Variants in TFEB observed in about 807,000 individuals in gnomAD.
TFEB encodes transcription factor EB, also known as T-cell transcription factor EB.
In TFEB, 12 loss-of-function variants were observed where a neutral mutation model predicts 48.0. That is an observed-to-expected ratio of 0.25 (90% CI 0.16 to 0.40). The LOEUF is 0.40. TFEB is among the 10% of genes least tolerant of loss of function. The probability of loss-of-function intolerance (pLI) is 1.00; values close to 1 mark genes in which losing one functional copy is unlikely to be tolerated. For missense variants in TFEB, 509 were observed against 640.3 expected, an observed-to-expected ratio of 0.79 and a Z score of 2.21; for synonymous variants, 244 against 261.4, an observed-to-expected ratio of 0.93 and a Z score of 0.64.
At chr6:41,689,635 G>A in intron 4 of TFEB, 96 bp downstream of exon 4, 1 of 934,010 alleles carries the variant, frequency 1.1e-6, no homozygotes, top group Non-Finnish European at 1.7e-6. Flanking sequence ...TCTGCCCAGT[G>A]AGAACCCTGT....
At position 41,689,915 on chromosome 6, in the gene TFEB, C is replaced by T. The variant is rs1000392626; in HGVS notation, c.469-104G>A. 42 of 794,104 alleles carry T rather than the reference C, an allele frequency of 5.3e-5. No individual in the cohort carries two copies. In the African/African-American group the frequency reaches 6.6e-4, roughly 13 times the overall value. The allele number at this position is 794,104 out of a possible 1,614,324, so 49.2% of individuals were successfully genotyped here. Reference sequence around the variant, plus strand: ...CCTGGAGGGACCTTGGAGCCCACCTCACCCAACCTACTTATCTGGGGAAAG... The same window carrying T: ...CCTGGAGGGACCTTGGAGCCCACCTTACCCAACCTACTTATCTGGGGAAAG... On this transcript the variant is annotated intron_variant, in intron 3 of 8. Transcript: ENST00000373033.
intron 1 of TFEB, among the ~76,000 whole-genome samples, chr6:41,697,749 T>C (rs1208352333): frequency 1.3e-5 from 2 of 152,216 alleles, no homozygotes; most frequent in African/African-American, 4.8e-5. Context: ...AATGTCCAGT[T>C]ATAGGATAGT....
chr6:41,728,561 C>G (rs60442837), intron 1 of TFEB, among the ~76,000 whole-genome samples: 1 of 152,034 alleles, frequency 6.6e-6, no homozygotes, highest in African/African-American at 2.4e-5. Flanking sequence ...TGGGGGGCCG[C>G]GGCAGGTGCT....
intron 1 of TFEB, among the ~76,000 whole-genome samples, chr6:41,692,055 C>G (rs937894010): frequency 6.6e-6 from 1 of 152,270 alleles, no homozygotes; most frequent in South Asian, 2.1e-4. Flanking sequence ...CTTACAGAGA[C>G]CTTCTAGGAC....
At chr6:41,714,321 G>A (rs1248728095) in intron 1 of TFEB, among the ~76,000 whole-genome samples, 6 of 152,202 alleles carry the variant, frequency 3.9e-5, no homozygotes, top group African/African-American at 1.2e-4. Context: ...AAGGGCCTTC[G>A]GAACCTGAGC....
At chr6:41,735,095 C>G in intron 1 of TFEB, 2 of 984,706 alleles carry the variant, frequency 2.0e-6, no homozygotes, top group Non-Finnish European at 2.4e-6. Flanking sequence ...GCGGAGAAGC[C>G]GCCCCCGGCC....
intron 1 of TFEB, among the ~76,000 whole-genome samples, chr6:41,712,296 G>A (rs1029153217): frequency 2.0e-5 from 3 of 152,166 alleles, no homozygotes; most frequent in Non-Finnish European, 4.4e-5. Context: ...CTTCTACCCT[G>A]GGGACATATA....
chr6:41,688,060 G>A lies in TFEB; in HGVS notation c.550-32C>T, dbSNP rs201580634. 1.3e-3 allele frequency: 2,145 copies of A among 1,591,396 alleles called. 3 individuals carry two copies. Among genetic ancestry groups the A allele is most frequent in the Non-Finnish European group, 1.6e-3 (1,904 of 1,164,308 alleles). The stretch of plus-strand genomic sequence containing the variant: ...GGTAGGGGGTGAGGGAGACCCATGA[G>A]TATCCCCCTCTCCACGGGGAGCCCC... On this transcript the variant is annotated intron_variant, in intron 4 of 8. Coordinates refer to ENST00000373033, the MANE Select transcript of TFEB (RefSeq NM_001271944.2).
chr6:41,716,911 A>G (rs888210329), intron 1 of TFEB, among the ~76,000 whole-genome samples: 7 of 152,064 alleles, frequency 4.6e-5, no homozygotes, highest in Admixed American at 4.6e-4. Flanking sequence ...TTTCGAACCT[A>G]ACTGCTGTGT....
intron 8 of TFEB, among the ~76,000 whole-genome samples, chr6:41,685,859 G>A (rs2842640): frequency 0.023 from 3,448 of 152,318 alleles, 127 homozygotes; most frequent in African/African-American, 0.076. Flanking sequence ...TGCCAGCAGC[G>A]TGGGTGCCAG....
chr6:41,735,227 C>T (rs1771629805), intron 1 of TFEB, 123 bp downstream of exon 1: 3 of 922,152 alleles, frequency 3.3e-6, no homozygotes, highest in Middle Eastern at 5.4e-4. Flanking sequence ...GGTCCTGCTT[C>T]CCTCTCCTGC....
At chr6:41,685,693 C>A (rs193261038) in intron 8 of TFEB, among the ~76,000 whole-genome samples, 1 of 152,216 alleles carries the variant, frequency 6.6e-6, no homozygotes, top group South Asian at 2.1e-4. Context: ...ACCTTCCAGG[C>A]ACATGATAGG....
At chr6:41,732,477 A>G (rs1771494469) in intron 1 of TFEB, among the ~76,000 whole-genome samples, 1 of 152,238 alleles carries the variant, frequency 6.6e-6, no homozygotes, top group South Asian at 2.1e-4. Context: ...GTATAGCATA[A>G]AAGAAGAGAT....
Position 41,691,801 on chromosome 6 carries a change from C to T in TFEB, c.-22-566G>A, listed in dbSNP as rs1428792782. Among the ~76,000 whole-genome samples, 1 of 152,122 alleles carries T rather than the reference C, an allele frequency of 6.6e-6. No individual in the cohort carries two copies. Among genetic ancestry groups the T allele is most frequent in the East Asian group, 1.9e-4 (1 of 5,200 alleles). The stretch of plus-strand genomic sequence containing the variant: ...TCAGGGGAAAAGCTAAAGTCCTTAC[C>T]ATGACTGGAAAGGCCCCCTAGGATC... On this transcript the variant is annotated intron_variant, in intron 1 of 8. Coordinates refer to ENST00000373033, the MANE Select transcript of TFEB (RefSeq NM_001271944.2). The surrounding 1 kb of genome is among the most constrained non-coding windows in gnomAD (Gnocchi z 5.2).
chr6:41,726,392 C>T (rs757694654), intron 1 of TFEB, among the ~76,000 whole-genome samples: 10 of 152,194 alleles, frequency 6.6e-5, no homozygotes, highest in South Asian at 2.1e-4. Flanking sequence ...TTGATTTTGG[C>T]GTACAAGCTA....
intron 1 of TFEB, among the ~76,000 whole-genome samples, chr6:41,716,964 G>A (rs1022073970): frequency 6.6e-6 from 1 of 152,156 alleles, no homozygotes; most frequent in Admixed American, 6.6e-5. Flanking sequence ...TACATCACAA[G>A]CCAGGTGACC....
rs547697861 is a variant in TFEB at position 41,700,009 on chromosome 6, C to T, written c.-22-8774G>A. Reference sequence around the variant, plus strand: ...TCACCCTGGCAGGTTCCCTCCGGGACCCTGTCCTGCATCACCATGGCTGAG... The same window carrying T: ...TCACCCTGGCAGGTTCCCTCCGGGATCCTGTCCTGCATCACCATGGCTGAG... On this transcript the variant is annotated intron_variant, in intron 1 of 8. Transcript: ENST00000373033. Among the ~76,000 whole-genome samples the T allele has an allele frequency of 2.9e-4, 44 of 152,286 alleles. No homozygotes were observed. In the South Asian group the frequency reaches 8.9e-3, roughly 31 times the overall value.
chr6:41,695,299 C>T (rs1359639452), intron 1 of TFEB, among the ~76,000 whole-genome samples: 1 of 152,162 alleles, frequency 6.6e-6, no homozygotes, highest in Non-Finnish European at 1.5e-5. Flanking sequence ...TGTGTGTGGG[C>T]CTTGCCTGTC....
rs1771562005 is a variant in TFEB, at chr6:41,734,016, T to C, written c.-23+1334A>G. The C allele has an allele frequency of 8.8e-6, 3 of 341,806 alleles. No homozygotes were observed. Among genetic ancestry groups the C allele is most frequent in the Admixed American group, 1.3e-4 (2 of 15,494 alleles). The allele number at this position is 341,806 out of a possible 1,614,324, so 21.2% of individuals were successfully genotyped here. A position where few individuals can be genotyped will look rare whatever the true frequency, so the allele number is the denominator to read the frequency against. ...CCTGCATCCGTCTTGTCCCTTTCCC[T>C]GAGGGATGAAGCAGCCCCTCACTCG... On this transcript the variant is annotated intron_variant, in intron 1 of 8. Transcript: ENST00000373033. The surrounding 1 kb of genome is among the most constrained non-coding windows in gnomAD (Gnocchi z 4.0).
Sources: gnomAD v4.1 joint callset for allele counts (sites outside exome capture counted in the v4.1 genomes callset) on GRCh38, gnomAD v4.1.1 for gene constraint, Gnocchi (gnomAD v3.1) non-coding constraint, MANE v1.5 for transcripts, NCBI Gene and HGNC (gene_info 2026-07-23, HGNC 2026-07-21) for gene names.